Variants in CEP152 observed in about 807,000 individuals in gnomAD.
The protein encoded by CEP152 is centrosomal protein of 152 kDa.
Under a neutral mutation model 188.9 loss-of-function variants are expected in CEP152, and 132 were observed. The observed-to-expected ratio is 0.70, with a 90% confidence interval of 0.61 to 0.81. The LOEUF is 0.81. CEP152 is among the 30% of genes least tolerant of loss of function. The probability of loss-of-function intolerance (pLI) is 0.00; values close to 1 mark genes in which losing one functional copy is unlikely to be tolerated. For missense variants in CEP152, 1,914 were observed against 1,969.8 expected (o/e 0.97, Z 0.54); for synonymous variants, 649 against 666.6 (o/e 0.97, Z 0.41).
In CEP152 at chr15:48,752,469, T is replaced by G. The variant is rs1393060333; in HGVS notation, c.3346A>C (p.Arg1116=). The G allele has an allele frequency of 1.9e-6, 3 of 1,613,226 alleles. No individual in the cohort carries two copies. Among genetic ancestry groups the G allele is most frequent in the Admixed American group, 3.3e-5 (2 of 60,000 alleles). Residue 1116 remains arginine, a splice_region_variant and synonymous_variant, in exon 21 of 27, where the codon AGA becomes CGA. Transcript: ENST00000380950. ...TCCTTAGAGAGCTCGGCCATATTTC[T>G]CTGAAATAAAGTATCTTCAAAGTTA... is the stretch of plus-strand genomic sequence containing the variant. ...VENADPEWKK[R]NMAELSKDSA... is the part of the protein sequence containing the mutation.
intron 2 of CEP152, among the ~76,000 whole-genome samples, chr15:48,732,705 A>T (rs1892466249): frequency 6.6e-6 from 1 of 151,720 alleles, no homozygotes; most frequent in Non-Finnish European, 1.5e-5. Context: ...ATCAATGATG[A>T]ATCTCTGGTT....
intron 2 of CEP152, among the ~76,000 whole-genome samples, chr15:48,800,534 C>T (rs904991855): frequency 1.3e-5 from 2 of 152,080 alleles, no homozygotes; most frequent in East Asian, 3.9e-4. Flanking sequence ...TGCATGTTAC[C>T]AAATACAGAA....
rs773129401 is a variant in CEP152 at position 48,738,413 on chromosome 15, C to G, written c.4969G>C (p.Gly1657Arg). Residue 1657 changes from glycine (G) to arginine (R), a missense_variant, in exon 27 of 27, where the codon GGA becomes CGA. Gly to Arg is a moderately radical substitution (Grantham distance 125). Transcript: ENST00000380950. ...TCAGCCTTATGACGAGATGGGTGTC[C>G]ACAATTCACACTGATCTTTCCTGGC... ...LEPGKISVNC[G>R]HPSRHKADRL... is the part of the protein sequence containing the mutation. The G allele has an allele frequency of 6.2e-7, 1 of 1,614,148 alleles. No homozygotes were observed. The highest frequency in any genetic ancestry group is 8.5e-7 in the Non-Finnish European group (1 of 1,180,000).
At chr15:48,782,662 A>T (rs563361397) in intron 10 of CEP152, among the ~76,000 whole-genome samples, 1 of 152,246 alleles carries the variant, frequency 6.6e-6, no homozygotes, top group Non-Finnish European at 1.5e-5. Flanking sequence ...CAGCATCCCC[A>T]CCTCCACATG....
chr15:48,760,318 AG>A, intron 18 of CEP152, 52 bp from the exon 19 acceptor site: 4 of 1,602,062 alleles, frequency 2.5e-6, no homozygotes, highest in Non-Finnish European at 3.4e-6. Context: ...AACTTAAAAA[AG>A]ATCCCATTTT....
intron 12 of CEP152, among the ~76,000 whole-genome samples, chr15:48,779,357 T>C (rs778334752): frequency 6.6e-6 from 1 of 152,232 alleles, no homozygotes; most frequent in Non-Finnish European, 1.5e-5. Context: ...AACTCTCACA[T>C]GTTGATATTG....
chr15:48,742,673 T>C (rs1893073024), intron 24 of CEP152, among the ~76,000 whole-genome samples: 1 of 152,024 alleles, frequency 6.6e-6, no homozygotes, highest in South Asian at 2.1e-4. Context: ...ATGTACAAAA[T>C]GAGACTACAA....
intron 21 of CEP152, among the ~76,000 whole-genome samples, chr15:48,751,201 A>C (rs1280502225): frequency 6.6e-6 from 1 of 152,182 alleles, no homozygotes; most frequent in Non-Finnish European, 1.5e-5. Flanking sequence ...AAAAAAGACT[A>C]AAGAAAAATA....
At chr15:48,796,227 AC>A (rs1897282320) in intron 5 of CEP152, 67 bp from the exon 6 acceptor site, 3 of 1,574,070 alleles carry the variant, frequency 1.9e-6, no homozygotes, top group Admixed American at 3.3e-5. Context: ...TGAATTAGAC[AC>A]CTAAATTAAT....
rs560023398 is a variant in CEP152, at chr15:48,749,689, G to T, written c.3467-1079C>A. On this transcript the variant is annotated intron_variant, in intron 21 of 26. Transcript: ENST00000380950. The stretch of plus-strand genomic sequence containing the variant: ...GAGAAAAGTTCTGTTAAAAAAAAAT[G>T]AAGGTGGAAGCAGAGAATATTTCTC... Among the ~76,000 whole-genome samples, 4 of 152,092 alleles carry T rather than the reference G, an allele frequency of 2.6e-5. No homozygotes were observed. The South Asian group carries it at 8.3e-4, about 32-fold the overall frequency.
intron 17 of CEP152, among the ~76,000 whole-genome samples, chr15:48,766,286 T>G (rs1595637008): frequency 6.6e-6 from 1 of 152,238 alleles, no homozygotes; most frequent in Admixed American, 6.5e-5. Context: ...GTATAGAACA[T>G]TTATTTAAGC....
intron 7 of CEP152, among the ~76,000 whole-genome samples, chr15:48,792,299 T>C (rs1404563225): frequency 2.6e-5 from 4 of 152,204 alleles, no homozygotes; most frequent in Non-Finnish European, 5.9e-5. Context: ...CCACTTGGAA[T>C]GAACTCTTAA....
rs746639152 is a variant in CEP152 at position 48,738,389 on chromosome 15, C to T, written c.4993G>A (p.Asp1665Asn). The change falls in exon 27 of 27, where the codon GAT (aspartate) becomes AAT (asparagine). Residue 1665 changes from aspartate to asparagine, a missense_variant. By Grantham distance (23) the Asp-to-Asn change is conservative. Transcript: ENST00000380950. ...NCGHPSRHKA[D>N]RLKSDFKKLS... ...TTTTTGAAATCTGACTTTAATCTAT[C>T]AGCCTTATGACGAGATGGGTGTCCA... The T allele has an allele frequency of 6.2e-7, 1 of 1,614,052 alleles. No individual in the cohort carries two copies. The highest frequency in any genetic ancestry group is 8.5e-7 in the Non-Finnish European group (1 of 1,180,020).
chr15:48,744,864 TAAA>T, intron 23 of CEP152, 29 bp downstream of exon 23: 2 of 1,566,976 alleles, frequency 1.3e-6, no homozygotes, highest in Non-Finnish European at 1.7e-6. Context: ...TAGATTTCTT[TAAA>T]ATAGCACTTT....
At chr15:48,750,575 TA>T (rs1164853295) in intron 21 of CEP152, among the ~76,000 whole-genome samples, 1 of 152,146 alleles carries the variant, frequency 6.6e-6, no homozygotes, top group Non-Finnish European at 1.5e-5. Flanking sequence ...GATACTGTTG[TA>T]AAATTGGAAC....
chr15:48,741,854 G>C, intron 25 of CEP152, 93 bp downstream of exon 25: 1 of 1,611,876 alleles, frequency 6.2e-7, no homozygotes, highest in Non-Finnish European at 8.5e-7. Context: ...TGATCATGTA[G>C]AAATAGTTAA....
intron 9 of CEP152, among the ~76,000 whole-genome samples, chr15:48,786,385 C>CAAAAAAA (rs11443555): frequency 1.3e-5 from 2 of 150,264 alleles, no homozygotes. Flanking sequence ...GAAAATCAGC[C>CAAAAAAA]AAAAAAAAAG....
chr15:48,785,185 G>C, intron 9 of CEP152, among the ~76,000 whole-genome samples: 1 of 152,102 alleles, frequency 6.6e-6, no homozygotes. Flanking sequence ...CTAACACAAG[G>C]TACATCCCAT....
At chr15:48,756,631 G>C in intron 19 of CEP152, 78 bp from the exon 20 acceptor site, 1 of 1,360,860 alleles carries the variant, frequency 7.3e-7, no homozygotes. Flanking sequence ...TAACTATTTT[G>C]GTTAACCTCT....
Sources: allele counts gnomAD v4.1 joint callset (sites outside exome capture counted in the v4.1 genomes callset), GRCh38; gene constraint gnomAD v4.1.1; transcripts MANE v1.5; gene names NCBI Gene and HGNC (gene_info 2026-07-23, HGNC 2026-07-21).